Variants in CTNNA2 observed in about 807,000 individuals in gnomAD.
The protein encoded by CTNNA2 is catenin alpha-2.
CTNNA2 carries 42 observed loss-of-function variants against 101.0 expected under a neutral mutation model. The observed-to-expected ratio is 0.42, with a 90% CI of 0.32 to 0.54. The LOEUF is 0.54. Among genes scored for constraint, CTNNA2 ranks in the 20% least tolerant of loss-of-function variants. The pLI is 0.14. For missense variants in CTNNA2, 871 were observed against 1,223.1 expected, an observed-to-expected ratio of 0.71 and a Z score of 4.29; for synonymous variants, 450 against 456.4, an observed-to-expected ratio of 0.99 and a Z score of 0.18.
intron 7 of CTNNA2, 128 bp downstream of exon 7, chr2:79,909,925 C>G: frequency 1.1e-6 from 1 of 930,798 alleles, no homozygotes; most frequent in Non-Finnish European, 1.6e-6. Flanking sequence ...TCAGGTGAAA[C>G]CAAAGAACTG....
At chr2:79,620,298 A>C (rs2104281903) in intron 1 of CTNNA2, among the ~76,000 whole-genome samples, 1 of 152,276 alleles carries the variant, frequency 6.6e-6, no homozygotes, top group Non-Finnish European at 1.5e-5. Flanking sequence ...TCACATGCTC[A>C]AACACACTGG....
At chr2:80,427,622 A>G (rs1681111568) in intron 9 of CTNNA2, among the ~76,000 whole-genome samples, 1 of 152,238 alleles carries the variant, frequency 6.6e-6, no homozygotes, top group Non-Finnish European at 1.5e-5. Flanking sequence ...TCCTGATAGC[A>G]GTGCCCCATG....
At chr2:80,069,950 C>T (rs1021826516) in intron 7 of CTNNA2, among the ~76,000 whole-genome samples, 13 of 152,302 alleles carry the variant, frequency 8.5e-5, no homozygotes, top group African/African-American at 3.1e-4. Context: ...GTGTTGTAGT[C>T]TTCAATTCAC....
In CTNNA2 at chr2:80,523,511, C is replaced by T. The variant is rs139770146; in HGVS notation, c.1291-21471C>T. 4.0e-4 allele frequency among the ~76,000 whole-genome samples: 61 copies of T among 152,252 alleles called. 1 individual carries two copies. Among genetic ancestry groups the T allele is most frequent in the African/African-American group, 1.2e-3 (51 of 41,542 alleles). ...TAGATGGAAAGAGGAAGATAGGCTA[C>T]GACAATTCCTACTGCTGATATTAAA... On this transcript the variant is annotated intron_variant, in intron 9 of 18. Coordinates refer to ENST00000402739, the MANE Select transcript of CTNNA2 (RefSeq NM_001282597.3).
intron 7 of CTNNA2, among the ~76,000 whole-genome samples, chr2:80,268,667 A>T (rs1240261201): frequency 6.6e-6 from 1 of 152,220 alleles, no homozygotes; most frequent in Non-Finnish European, 1.5e-5. Context: ...CTGCCTTGTA[A>T]ATCATCAAAG....
chr2:80,288,946 T>G (rs1159120691), intron 7 of CTNNA2: 2 of 152,190 alleles, frequency 1.3e-5, no homozygotes, highest in African/African-American at 2.4e-5. Context: ...CCAAGAACAC[T>G]GTTTCTCATG....
intron 7 of CTNNA2, among the ~76,000 whole-genome samples, chr2:79,967,584 A>G (rs1304939430): frequency 6.6e-6 from 1 of 152,184 alleles, no homozygotes; most frequent in Non-Finnish European, 1.5e-5. Flanking sequence ...TAAAATCCTA[A>G]TGCCTTACCC....
At chr2:80,058,930 A>G (rs1355752286) in intron 7 of CTNNA2, among the ~76,000 whole-genome samples, 1 of 152,194 alleles carries the variant, frequency 6.6e-6, no homozygotes, top group Non-Finnish European at 1.5e-5. Flanking sequence ...TTCCTGATTT[A>G]CATGATATCT....
intron 7 of CTNNA2, among the ~76,000 whole-genome samples, chr2:80,001,745 C>T (rs190319614): frequency 3.3e-5 from 5 of 152,318 alleles, no homozygotes; most frequent in African/African-American, 4.8e-5. Context: ...GGCGGCCGGA[C>T]ACAGCCTCCT....
intron 3 of CTNNA2, among the ~76,000 whole-genome samples, chr2:79,822,775 G>A (rs1678113014): frequency 6.6e-6 from 1 of 152,004 alleles, no homozygotes. Context: ...CTTATATCTG[G>A]CCTGCAGATT....
At chr2:80,597,654 G>A (rs1697103385) in intron 15 of CTNNA2, among the ~76,000 whole-genome samples, 1 of 152,110 alleles carries the variant, frequency 6.6e-6, no homozygotes, top group Non-Finnish European at 1.5e-5. Flanking sequence ...TTCAAAAAGT[G>A]GGCAAAGGAT....
chr2:80,173,814 C>T (rs1041609271), intron 7 of CTNNA2, among the ~76,000 whole-genome samples: 5 of 152,028 alleles, frequency 3.3e-5, no homozygotes, highest in African/African-American at 1.2e-4. Context: ...CCTGAGCTCA[C>T]CTAGGGAATG....
chr2:80,303,178 C>G lies in CTNNA2; in HGVS notation c.1057-90033C>G. 6.2e-7 allele frequency: 1 copy of G among 1,614,050 alleles called. No homozygotes were observed. The highest frequency in any genetic ancestry group is 8.5e-7 in the Non-Finnish European group (1 of 1,179,972). On this transcript the variant is annotated intron_variant, in intron 7 of 18. Coordinates refer to ENST00000402739, the MANE Select transcript of CTNNA2 (RefSeq NM_001282597.3). The surrounding 1 kb of genome is among the most constrained non-coding windows in gnomAD (Gnocchi z 7.7). ...TGACCAAGTCGTTGTGCTCGAGGTGCAGCTCGGTGAGCTTAAACAAGCCGG... is the reference window on the plus strand; with the variant it reads ...TGACCAAGTCGTTGTGCTCGAGGTGGAGCTCGGTGAGCTTAAACAAGCCGG...
chr2:79,372,262 G>A (rs767551846), intron 3 of CTNNA2, among the ~76,000 whole-genome samples: 5 of 152,116 alleles, frequency 3.3e-5, no homozygotes, highest in African/African-American at 9.7e-5. Context: ...CAGGAGGAAC[G>A]AAGTCCCTCT....
At chr2:79,444,276 A>T (rs1678807312) in intron 4 of CTNNA2, among the ~76,000 whole-genome samples, 2 of 152,178 alleles carry the variant, frequency 1.3e-5, no homozygotes, top group South Asian at 4.1e-4. Flanking sequence ...TAACTAGTGT[A>T]TATAAATAGT....
intron 7 of CTNNA2, among the ~76,000 whole-genome samples, chr2:80,139,059 G>A (rs1426231651): frequency 6.6e-6 from 1 of 152,088 alleles, no homozygotes; most frequent in Non-Finnish European, 1.5e-5. Context: ...GCGACCTATG[G>A]AAAATTGCAA....
At chr2:79,633,192 G>A (rs1466041037) in intron 1 of CTNNA2, among the ~76,000 whole-genome samples, 2 of 152,274 alleles carry the variant, frequency 1.3e-5, no homozygotes, top group South Asian at 2.1e-4. Flanking sequence ...TTAATTTAAT[G>A]TATGATTATC....
intron 2 of CTNNA2, among the ~76,000 whole-genome samples, chr2:79,295,105 AT>A (rs1440084834): frequency 1.3e-4 from 19 of 151,982 alleles, no homozygotes; most frequent in Admixed American, 7.9e-4. Flanking sequence ...ACTGTGCTTT[AT>A]TTTTTGACTA....
chr2:79,958,999 A>T (rs1689440890), intron 7 of CTNNA2, among the ~76,000 whole-genome samples: 1 of 152,116 alleles, frequency 6.6e-6, no homozygotes, highest in African/African-American at 2.4e-5. Flanking sequence ...ATTCGCAAGG[A>T]TGTATTAATC....
Sources: gnomAD v4.1 joint callset for allele counts (sites outside exome capture counted in the v4.1 genomes callset) on GRCh38, gnomAD v4.1.1 for gene constraint, Gnocchi (gnomAD v3.1) non-coding constraint, MANE v1.5 for transcripts, NCBI Gene and HGNC (gene_info 2026-07-23, HGNC 2026-07-21) for gene names.